Variants in CNBD1 observed in about 807,000 individuals in gnomAD.
CNBD1 encodes cyclic nucleotide-binding domain-containing protein 1.
Under a neutral mutation model 54.4 loss-of-function variants are expected in CNBD1, and 71 were observed. The observed-to-expected ratio is 1.30, with a 90% CI of 1.08 to 1.59. The LOEUF is 1.59. Among genes scored for constraint, CNBD1 ranks in the 40% most tolerant of loss-of-function variants. The pLI is 0.00. For synonymous variants in CNBD1, 182 were observed against 170.7 expected (o/e 1.07, Z -0.51); for missense variants, 659 against 518.0 (o/e 1.27, Z -2.64).
intron 4 of CNBD1, among the ~76,000 whole-genome samples, chr8:86,940,707 G>A (rs1443984214): frequency 1.3e-5 from 2 of 152,146 alleles, no homozygotes; most frequent in African/African-American, 4.8e-5. Flanking sequence ...ACTAGAATAT[G>A]TGATATTAGA....
intron 4 of CNBD1, among the ~76,000 whole-genome samples, chr8:86,982,343 T>G (rs980109146): frequency 6.6e-6 from 1 of 152,216 alleles, no homozygotes; most frequent in Non-Finnish European, 1.5e-5. Flanking sequence ...TTTTACTTCC[T>G]TGTGTCTTTC....
intron 4 of CNBD1, among the ~76,000 whole-genome samples, chr8:87,094,438 T>A (rs1811277912): frequency 6.6e-6 from 1 of 150,928 alleles, no homozygotes; most frequent in African/African-American, 2.5e-5. Flanking sequence ...TTTTTTTTCT[T>A]TAATGCTTTT....
intron 6 of CNBD1, among the ~76,000 whole-genome samples, chr8:87,283,860 G>A (rs1247120323): frequency 1.3e-5 from 2 of 152,048 alleles, no homozygotes; most frequent in Non-Finnish European, 2.9e-5. Context: ...GGGTTTGATA[G>A]GACTGTGGCT....
intron 4 of CNBD1, among the ~76,000 whole-genome samples, chr8:86,972,240 G>A (rs1403386055): frequency 1.3e-5 from 2 of 152,132 alleles, no homozygotes; most frequent in African/African-American, 2.4e-5. Flanking sequence ...TTGAGCCACC[G>A]TGCCTGGCCT....
chr8:87,196,689 C>G (rs958792118), intron 4 of CNBD1, among the ~76,000 whole-genome samples: 1 of 152,178 alleles, frequency 6.6e-6, no homozygotes, highest in Admixed American at 6.5e-5. Context: ...GATGCCACCC[C>G]ACATGGATAC....
chr8:87,244,671 C>G (rs936346419), intron 6 of CNBD1, among the ~76,000 whole-genome samples: 1 of 152,154 alleles, frequency 6.6e-6, no homozygotes, highest in Non-Finnish European at 1.5e-5. Flanking sequence ...TCCCCTGACT[C>G]ATATCCCAAC....
intron 6 of CNBD1, among the ~76,000 whole-genome samples, chr8:87,249,994 A>C (rs2130838204): frequency 6.6e-6 from 1 of 152,324 alleles, no homozygotes; most frequent in South Asian, 2.1e-4. Flanking sequence ...CAAGCTAAAA[A>C]GTTTCTGCCC....
intron 6 of CNBD1, among the ~76,000 whole-genome samples, chr8:87,272,040 T>G (rs1319076338): frequency 6.6e-6 from 1 of 151,642 alleles, no homozygotes; most frequent in African/African-American, 2.4e-5. Context: ...GCTGAAAGAG[T>G]GAATCTCATA....
At chr8:87,118,058 G>A (rs944280493) in intron 4 of CNBD1, among the ~76,000 whole-genome samples, 5 of 152,062 alleles carry the variant, frequency 3.3e-5, no homozygotes, top group Admixed American at 3.3e-4. Context: ...CCTCACACCT[G>A]TAATCTCAGC....
downstream of CNBD1, among the ~76,000 whole-genome samples, chr8:87,385,744 C>T (rs938709648): frequency 6.6e-6 from 1 of 152,174 alleles, no homozygotes; most frequent in Non-Finnish European, 1.5e-5. Flanking sequence ...TTAAATGTCC[C>T]TGTCTGACAG....
chr8:87,242,305 A>G (rs1034191418), intron 6 of CNBD1, among the ~76,000 whole-genome samples: 1 of 152,192 alleles, frequency 6.6e-6, no homozygotes, highest in Non-Finnish European at 1.5e-5. Context: ...TTTTCCTGAT[A>G]CAAGAGAAAA....
chr8:87,098,757 G>A (rs1357686661), intron 4 of CNBD1, among the ~76,000 whole-genome samples: 4 of 151,294 alleles, frequency 2.6e-5, no homozygotes, highest in African/African-American at 9.7e-5. Flanking sequence ...AAACTCCTGG[G>A]CCAGGCGCAG....
intron 4 of CNBD1, among the ~76,000 whole-genome samples, chr8:87,034,651 T>C (rs555780322): frequency 6.6e-6 from 1 of 152,308 alleles, no homozygotes; most frequent in Admixed American, 6.5e-5. Flanking sequence ...AATGATAACA[T>C]AGACTCGTAT....
chr8:87,122,432 T>C (rs550320873), intron 4 of CNBD1, among the ~76,000 whole-genome samples: 4 of 152,016 alleles, frequency 2.6e-5, no homozygotes, highest in Admixed American at 2.6e-4. Flanking sequence ...TTACATACTT[T>C]GGATATTAAC....
At chr8:87,184,920 G>T (rs1419119570) in intron 4 of CNBD1, among the ~76,000 whole-genome samples, 1 of 151,838 alleles carries the variant, frequency 6.6e-6, no homozygotes, top group East Asian at 1.9e-4. Flanking sequence ...TTAATATGTT[G>T]CATTTTCATT....
rs34171828 is a variant in CNBD1, at chr8:87,246,808, T to G, written c.771+9696T>G. ...ACGGACTAGGGGTGGGGGATGGTTT[T>G]GGGATGATTTAAGAGCATTACACTT... On this transcript the variant is annotated intron_variant, in intron 6 of 10. Transcript: ENST00000518476. Among the ~76,000 whole-genome samples, 368 of 152,228 alleles carry G rather than the reference T, an allele frequency of 2.4e-3. 1 individual carries two copies. The highest frequency in any genetic ancestry group is 3.6e-3 in the Non-Finnish European group (243 of 68,002).
Position 86,866,432 on chromosome 8 carries a change from G to GTCATCTAT in CNBD1, c.-64_-63insTCATCTAT, listed in dbSNP as rs1808361263. 4 of 1,182,740 alleles carry GTCATCTAT rather than the reference G, an allele frequency of 3.4e-6. No homozygotes were observed. In the Admixed American group the frequency reaches 7.8e-5, roughly 23 times the overall value. The allele number at this position is 1,182,740 out of a possible 1,614,324, so 73.3% of individuals were successfully genotyped here. ...GAAGTTCTGCTTTATGAGCCTGCAGGCAAAGAGTGATCATTTGCCTCTCAA... is the reference window on the plus strand; with the variant it reads ...GAAGTTCTGCTTTATGAGCCTGCAGGTCATCTATCAAAGAGTGATCATTTGCCTCTCAA... On this transcript the variant is annotated 5_prime_UTR_variant, in exon 1 of 11. It introduces an in-frame stop codon into an upstream open reading frame of the 5' UTR. Transcript: ENST00000518476.
intron 5 of CNBD1, among the ~76,000 whole-genome samples, chr8:87,229,795 C>A (rs371116906): frequency 6.6e-6 from 1 of 151,974 alleles, no homozygotes; most frequent in African/African-American, 2.4e-5. Context: ...TAAAAAAAAA[C>A]TTTTATTTTC....
chr8:86,909,466 AT>A (rs1809068107), intron 3 of CNBD1, among the ~76,000 whole-genome samples: 2 of 152,160 alleles, frequency 1.3e-5, no homozygotes, highest in African/African-American at 4.8e-5. Context: ...AATAGTTTAC[AT>A]TTTTTAAATG....
Sources: allele counts gnomAD v4.1 joint callset (sites outside exome capture counted in the v4.1 genomes callset), GRCh38; gene constraint gnomAD v4.1.1; transcripts MANE v1.5; gene names NCBI Gene and HGNC (gene_info 2026-07-23, HGNC 2026-07-21).